Variants in RDX observed in about 807,000 individuals in gnomAD.
The protein encoded by RDX is radixin.
RDX carries 32 observed loss-of-function variants against 83.7 expected under a neutral mutation model. That is an observed-to-expected ratio of 0.38 (90% confidence interval 0.29 to 0.51). RDX has a LOEUF of 0.51. RDX is among the 20% of genes least tolerant of loss of function. The pLI is 0.87. For missense variants in RDX, 600 were observed against 689.9 expected, an observed-to-expected ratio of 0.87 and a Z score of 1.46; for synonymous variants, 229 against 222.7, an observed-to-expected ratio of 1.03 and a Z score of -0.25.
chr11:110,272,692 T>TTA, intron 2 of RDX, 73 bp from the exon 3 acceptor site: 1 of 983,532 alleles, frequency 1.0e-6, no homozygotes. Context: ...ATGATTTTCT[T>TTA]TATTAAAGTG....
chr11:110,278,824 T>G (rs1368685726), intron 2 of RDX, among the ~76,000 whole-genome samples: 1 of 151,856 alleles, frequency 6.6e-6, no homozygotes, highest in Non-Finnish European at 1.5e-5. Flanking sequence ...ACTAATGACT[T>G]TCTTTAAAAT....
chr11:110,244,144 T>A (rs960308628), intron 10 of RDX, among the ~76,000 whole-genome samples: 12 of 151,794 alleles, frequency 7.9e-5, no homozygotes, highest in South Asian at 6.3e-4. Flanking sequence ...ATATACCATA[T>A]CCATAAAATG....
intron 14 of RDX, among the ~76,000 whole-genome samples, chr11:110,219,545 T>C (rs1591520578): frequency 6.6e-6 from 1 of 152,314 alleles, no homozygotes; most frequent in East Asian, 1.9e-4. Flanking sequence ...GGTGGAACAC[T>C]GATGGCTGTG....
intron 1 of RDX, among the ~76,000 whole-genome samples, chr11:110,296,077 G>A (rs564278355): frequency 6.6e-6 from 1 of 152,366 alleles, no homozygotes; most frequent in African/African-American, 2.4e-5. Flanking sequence ...GCCAGCCCGG[G>A]CCCGGGGCCC....
intron 3 of RDX, among the ~76,000 whole-genome samples, chr11:110,269,169 G>A (rs780358224): frequency 5.3e-5 from 8 of 151,846 alleles, no homozygotes; most frequent in Non-Finnish European, 8.8e-5. Flanking sequence ...ACAGGAAAAG[G>A]TACAGTAAAA....
chr11:110,230,577 A>AGTAC lies in RDX; in HGVS notation c.*1288_*1291dup, dbSNP rs1351447994. ...ATTTCTCTCTCTCATACACACACAG[A>AGTAC]GTACACACACACACACACACACACA... On this transcript the variant is annotated 3_prime_UTR_variant, in exon 14 of 14. Transcript: ENST00000645495. 1 of 91,662 alleles carries AGTAC rather than the reference A, an allele frequency of 1.1e-5. No homozygotes were observed. The highest frequency in any genetic ancestry group is 4.0e-5 in the African/African-American group (1 of 25,082). The allele number at this position is 91,662 out of a possible 1,614,324, so 5.7% of individuals were successfully genotyped here.
intron 5 of RDX, among the ~76,000 whole-genome samples, chr11:110,260,602 C>T (rs1376911258): frequency 2.6e-5 from 4 of 152,100 alleles, no homozygotes; most frequent in African/African-American, 9.7e-5. Flanking sequence ...CCACCATGCC[C>T]AGCCATCTTC....
chr11:110,231,731 A>T lies in RDX; in HGVS notation c.*138T>A. 3.3e-6 allele frequency: 3 copies of T among 910,644 alleles called. No individual in the cohort carries two copies. The highest frequency in any genetic ancestry group is 5.4e-6 in the Non-Finnish European group (3 of 553,204). The allele number at this position is 910,644 out of a possible 1,614,324, so 56.4% of individuals were successfully genotyped here. A position where few individuals can be genotyped will look rare whatever the true frequency, so the allele number is the denominator to read the frequency against. On this transcript the variant is annotated 3_prime_UTR_variant, in exon 14 of 14. Coordinates refer to ENST00000645495, the MANE Select transcript of RDX (RefSeq NM_002906.4). ...CTTAATGTTGAAGAGCTCCCCTTAA[A>T]TTTGTCTTTTAGCTAGCACAGTCAA... is the stretch of plus-strand genomic sequence containing the variant.
intron 14 of RDX, among the ~76,000 whole-genome samples, chr11:110,210,714 C>G (rs1863801947): frequency 6.6e-6 from 1 of 151,566 alleles, no homozygotes; most frequent in Non-Finnish European, 1.5e-5. Context: ...AATTTTCAAC[C>G]CAGAATTTCA....
intron 14 of RDX, among the ~76,000 whole-genome samples, chr11:110,220,484 C>T (rs943406501): frequency 4.6e-5 from 7 of 152,150 alleles, no homozygotes; most frequent in Non-Finnish European, 1.0e-4. Flanking sequence ...ATTACCTCAA[C>T]ATCATGGTGC....
At chr11:110,264,694 ATCAG>A (rs1591165826) in intron 4 of RDX, 81 bp downstream of exon 4, 1 of 941,810 alleles carries the variant, frequency 1.1e-6, no homozygotes. Flanking sequence ...GAAGCTTGCA[ATCAG>A]TCAGACTTAG....
At chr11:110,228,663 T>G (rs759591877), downstream of RDX, among the ~76,000 whole-genome samples, 10 of 151,888 alleles carry the variant, frequency 6.6e-5, no homozygotes, top group Non-Finnish European at 1.5e-4. Flanking sequence ...ACATTAATAA[T>G]CAACACGGTG....
intron 14 of RDX, among the ~76,000 whole-genome samples, chr11:110,219,703 A>G (rs1272600064): frequency 2.0e-5 from 3 of 152,240 alleles, no homozygotes; most frequent in African/African-American, 7.2e-5. Context: ...CTTACCATTC[A>G]TCAACTGAGA....
intron 1 of RDX, among the ~76,000 whole-genome samples, chr11:110,284,405 T>C (rs1860894259): frequency 6.6e-6 from 1 of 152,152 alleles, no homozygotes; most frequent in Non-Finnish European, 1.5e-5. Context: ...TTGTGGGGGT[T>C]TTTTATTTGT....
chr11:110,282,392 G>A (rs1450190132), intron 1 of RDX, among the ~76,000 whole-genome samples: 1 of 151,872 alleles, frequency 6.6e-6, no homozygotes, highest in East Asian at 1.9e-4. Flanking sequence ...GTTCTACAAC[G>A]TATCAGCCTG....
At chr11:110,190,708 GAAA>G (rs374748918) in intron 15 of RDX, among the ~76,000 whole-genome samples, 2,535 of 152,134 alleles carry the variant, frequency 0.017, 86 homozygotes, top group African/African-American at 0.056. Context: ...TAGATTAATA[GAAA>G]AAAGAGATGT....
intron 14 of RDX, among the ~76,000 whole-genome samples, chr11:110,221,645 C>CACACAT (rs1555034541): frequency 1.3e-5 from 2 of 150,302 alleles, no homozygotes; most frequent in Admixed American, 1.3e-4. Context: ...CACACACACA[C>CACACAT]GAAGATCAAA....
At position 110,269,775 on chromosome 11, in the gene RDX, C is replaced by T. The variant is rs537780545; in HGVS notation, c.96+2761G>A. The stretch of plus-strand genomic sequence containing the variant: ...CTAGACCAGGCTGGACGGTGGCTCA[C>T]GCCTGTAATCCTGGCACTTTGGGAG... On this transcript the variant is annotated intron_variant, in intron 3 of 13. Coordinates refer to ENST00000645495, the MANE Select transcript of RDX (RefSeq NM_002906.4). 5.9e-5 allele frequency among the ~76,000 whole-genome samples: 9 copies of T among 152,228 alleles called. No individual in the cohort carries two copies. The East Asian group carries it at 1.5e-3, about 26-fold the overall frequency.
chr11:110,245,578 T>C (rs960639450), intron 10 of RDX, among the ~76,000 whole-genome samples: 3 of 152,208 alleles, frequency 2.0e-5, no homozygotes, highest in Admixed American at 2.0e-4. Flanking sequence ...ATGACAGAAG[T>C]AAAGCTTTTT....
Sources: allele counts gnomAD v4.1 joint callset (sites outside exome capture counted in the v4.1 genomes callset), GRCh38; gene constraint gnomAD v4.1.1; transcripts MANE v1.5; gene names NCBI Gene and HGNC (gene_info 2026-07-23, HGNC 2026-07-21).